Variants in FGGY observed in about 807,000 individuals in gnomAD.
FGGY encodes FGGY carbohydrate kinase domain containing.
Under a neutral mutation model 71.3 loss-of-function variants are expected in FGGY, and 72 were observed. The ratio of observed to expected loss-of-function variants is 1.01; its 90% CI spans 0.84 to 1.23. The LOEUF is 1.23. Ranked by LOEUF, FGGY falls within the 50% of genes most tolerant of loss-of-function variation. The pLI is 0.00. For synonymous variants in FGGY, 251 were observed against 250.3 expected, an observed-to-expected ratio of 1.00 and a Z score of -0.02; for missense variants, 668 against 682.3, an observed-to-expected ratio of 0.98 and a Z score of 0.23.
chr1:59,668,820 T>G (rs2097348547), intron 13 of FGGY, among the ~76,000 whole-genome samples: 1 of 148,878 alleles, frequency 6.7e-6, no homozygotes, highest in Non-Finnish European at 1.5e-5. Flanking sequence ...CCATCTCTAC[T>G]AAAAATACAA....
chr1:59,422,712 G>C (rs55975516), intron 5 of FGGY, among the ~76,000 whole-genome samples: 3 of 151,330 alleles, frequency 2.0e-5, no homozygotes, highest in South Asian at 4.2e-4. Flanking sequence ...AAAAAAAAAG[G>C]TTACTTGCTT....
At chr1:59,299,150 C>A (rs1197308093) in intron 1 of FGGY, among the ~76,000 whole-genome samples, 2 of 152,104 alleles carry the variant, frequency 1.3e-5, no homozygotes, top group East Asian at 1.9e-4. Flanking sequence ...ATACTGGAGC[C>A]GAGTTCCAAA....
At chr1:59,467,317 C>T (rs2092694135) in intron 6 of FGGY, among the ~76,000 whole-genome samples, 1 of 151,720 alleles carries the variant, frequency 6.6e-6, no homozygotes. Flanking sequence ...CACTTGGACA[C>T]AGGGTGGGGA....
intron 14 of FGGY, among the ~76,000 whole-genome samples, chr1:59,699,676 A>G (rs41287706): frequency 0.032 from 4,949 of 152,340 alleles, 107 homozygotes; most frequent in Non-Finnish European, 0.05. Context: ...TTGGAGTAAC[A>G]TACAGTATTC....
chr1:59,749,845 C>T (rs1288594147), intron 14 of FGGY, among the ~76,000 whole-genome samples: 3 of 152,110 alleles, frequency 2.0e-5, no homozygotes, highest in African/African-American at 7.2e-5. Flanking sequence ...GTAATTATTC[C>T]GTGATTATAC....
intron 5 of FGGY, among the ~76,000 whole-genome samples, chr1:59,407,792 C>T (rs888751902): frequency 1.1e-4 from 16 of 152,096 alleles, no homozygotes; most frequent in Non-Finnish European, 1.8e-4. Context: ...GGCTGCACCC[C>T]CTGAAGTGTG....
chr1:59,668,741 G>A (rs2097347760), intron 13 of FGGY, among the ~76,000 whole-genome samples: 2 of 152,134 alleles, frequency 1.3e-5, no homozygotes, highest in South Asian at 4.1e-4. Flanking sequence ...CCCACACTTT[G>A]GGAGGCCGAG....
chr1:59,761,130 T>A (rs2098337436), intron 15 of FGGY, among the ~76,000 whole-genome samples: 1 of 152,204 alleles, frequency 6.6e-6, no homozygotes, highest in Non-Finnish European at 1.5e-5. Context: ...CTGAAGTAGA[T>A]CCCATAATTA....
At chr1:59,419,163 G>C (rs1439525212) in intron 5 of FGGY, among the ~76,000 whole-genome samples, 2 of 152,016 alleles carry the variant, frequency 1.3e-5, no homozygotes, top group African/African-American at 2.4e-5. Context: ...TGGCAGTGGT[G>C]GTTTTCTAAA....
rs953214549 is a variant in FGGY at position 59,762,719 on chromosome 1, G to A, written c.*135G>A. On this transcript the variant is annotated 3_prime_UTR_variant, in exon 16 of 16. Transcript: ENST00000303721. ...GTCTTTCAATAAAGAAAACAAACAT[G>A]TGCAACCAGAATTAGAGTCTTCATT... 6 of 653,696 alleles carry A rather than the reference G, an allele frequency of 9.2e-6. No homozygotes were observed. The highest frequency in any genetic ancestry group is 5.3e-6 in the Non-Finnish European group (2 of 374,930). The allele number at this position is 653,696 out of a possible 1,614,324, so 40.5% of individuals were successfully genotyped here.
chr1:59,613,487 C>T (rs1047420074), intron 9 of FGGY, among the ~76,000 whole-genome samples: 2 of 152,150 alleles, frequency 1.3e-5, no homozygotes, highest in African/African-American at 4.8e-5. Flanking sequence ...CTCTGGGACA[C>T]CTTCAAAGTA....
At chr1:59,478,036 A>C (rs1182772996) in intron 6 of FGGY, among the ~76,000 whole-genome samples, 1 of 152,100 alleles carries the variant, frequency 6.6e-6, no homozygotes, top group Non-Finnish European at 1.5e-5. Context: ...GCCATTTACT[A>C]CCTTTGTGAC....
intron 7 of FGGY, among the ~76,000 whole-genome samples, chr1:59,537,437 G>T (rs2095347900): frequency 6.6e-6 from 1 of 152,130 alleles, no homozygotes; most frequent in African/African-American, 2.4e-5. Flanking sequence ...GTAATTTACA[G>T]ATTCAATGCC....
intron 14 of FGGY, among the ~76,000 whole-genome samples, chr1:59,727,129 G>C (rs193020421): frequency 4.6e-5 from 7 of 152,268 alleles, no homozygotes; most frequent in African/African-American, 1.4e-4. Flanking sequence ...ACTGACAAGT[G>C]AGAATATGTG....
At chr1:59,646,318 CT>C (rs201344875) in intron 11 of FGGY, among the ~76,000 whole-genome samples, 14 of 150,874 alleles carry the variant, frequency 9.3e-5, no homozygotes, top group South Asian at 2.1e-4. Flanking sequence ...TTTATTCGGA[CT>C]TTTTTTTTAC....
chr1:59,382,250 C>T (rs1357351985), intron 5 of FGGY, among the ~76,000 whole-genome samples: 2 of 152,160 alleles, frequency 1.3e-5, no homozygotes, highest in Non-Finnish European at 2.9e-5. Context: ...TCTCCTATCT[C>T]ATTCTTTTTT....
At position 59,512,306 on chromosome 1, in the gene FGGY, C is replaced by T; in HGVS notation, c.671-5C>T. ...TGGTGTTTGTTTTTTCTCATGTCTA[C>T]CCAGGAAACCAAGTGCTACCTCCTG... is the stretch of plus-strand genomic sequence containing the variant. On this transcript the variant is annotated splice_polypyrimidine_tract_variant and splice_region_variant and intron_variant, in intron 6 of 15. Transcript: ENST00000303721. 6.2e-7 allele frequency: 1 copy of T among 1,603,320 alleles called. No individual in the cohort carries two copies. The highest frequency in any genetic ancestry group is 1.7e-5 in the Admixed American group (1 of 58,534).
chr1:59,675,951 T>A (rs1020347983), intron 14 of FGGY, among the ~76,000 whole-genome samples: 2 of 152,090 alleles, frequency 1.3e-5, no homozygotes, highest in Admixed American at 6.6e-5. Context: ...TGGGCCCTTA[T>A]ACAAAGACAC....
At chr1:59,560,526 G>T (rs2095771048) in intron 8 of FGGY, among the ~76,000 whole-genome samples, 1 of 152,126 alleles carries the variant, frequency 6.6e-6, no homozygotes, top group South Asian at 2.1e-4. Context: ...AATGTAACTG[G>T]ATGTGAGGTA....
Sources: allele counts gnomAD v4.1 joint callset (sites outside exome capture counted in the v4.1 genomes callset), GRCh38; gene constraint gnomAD v4.1.1; transcripts MANE v1.5; gene names NCBI Gene and HGNC (gene_info 2026-07-23, HGNC 2026-07-21).